CFAP36: variants seen among roughly 807,000 people sequenced by gnomAD.
CFAP36 encodes the protein cilia- and flagella-associated protein 36.
A neutral mutation model predicts 50.5 loss-of-function variants in CFAP36; 37 were observed. The ratio of observed to expected loss-of-function variants is 0.73; its 90% CI spans 0.56 to 0.96. CFAP36 has a LOEUF of 0.96. Among genes scored for constraint, CFAP36 ranks in the 50% least tolerant of loss-of-function variants. The pLI is 0.00. For synonymous variants in CFAP36, 138 were observed against 128.2 expected, an observed-to-expected ratio of 1.08 and a Z score of -0.52; for missense variants, 407 against 396.2, an observed-to-expected ratio of 1.03 and a Z score of -0.23.
intron 7 of CFAP36, among the ~76,000 whole-genome samples, chr2:55,543,583 G>T (rs1684696013): frequency 6.6e-6 from 1 of 152,112 alleles, no homozygotes; most frequent in Non-Finnish European, 1.5e-5. Flanking sequence ...TTGTAGTAAG[G>T]GATTAGTATA....
intron 7 of CFAP36, among the ~76,000 whole-genome samples, chr2:55,541,846 C>CATA (rs145204761): frequency 0.089 from 1,775 of 20,044 alleles, 40 homozygotes; most frequent in African/African-American, 0.32. Context: ...TAGAGTTTTT[C>CATA]GTACTCTTTA....
chr2:55,529,231 C>T (rs759063969), intron 4 of CFAP36, among the ~76,000 whole-genome samples: 7 of 151,942 alleles, frequency 4.6e-5, no homozygotes, highest in Admixed American at 3.9e-4. Flanking sequence ...ACCATCCCAG[C>T]TAACACAGTG....
In CFAP36 at chr2:55,531,289, T is replaced by G. The variant is rs562598489; in HGVS notation, c.397+2297T>G. The G allele has an allele frequency of 2.6e-5, 4 of 152,290 alleles. No individual in the cohort carries two copies. The East Asian group carries it at 7.7e-4, about 29-fold the overall frequency. 9.4% of individuals were successfully genotyped at this position (152,290 alleles called of 1,614,324 possible). A position where few individuals can be genotyped will look rare whatever the true frequency, so the allele number is the denominator to read the frequency against. ...TTTAGTAAGTATGTTAGTAAACAAA[T>G]TTTTTTAGGGGATCAGGAAAAGAAA... On this transcript the variant is annotated intron_variant, in intron 4 of 9. Coordinates refer to ENST00000349456, the MANE Select transcript of CFAP36 (RefSeq NM_080667.7).
At chr2:55,541,612 T>C (rs1684641128) in intron 7 of CFAP36, among the ~76,000 whole-genome samples, 1 of 152,244 alleles carries the variant, frequency 6.6e-6, no homozygotes, top group Non-Finnish European at 1.5e-5. Flanking sequence ...TCAATTGTTT[T>C]GCATTTTCTA....
At chr2:55,533,706 AAAATATATATAT>A (rs1451240336) in intron 4 of CFAP36, among the ~76,000 whole-genome samples, 155 bp from the exon 5 acceptor site, 1 of 140,222 alleles carries the variant, frequency 7.1e-6, no homozygotes, top group African/African-American at 2.6e-5. Flanking sequence ...AAAAAAAAAA[AAAATATATATAT>A]ATATAAAATA....
At chr2:55,542,267 A>G (rs901591996) in intron 7 of CFAP36, among the ~76,000 whole-genome samples, 6 of 152,240 alleles carry the variant, frequency 3.9e-5, no homozygotes, top group African/African-American at 1.4e-4. Context: ...AGTTGTACAC[A>G]TTAATGGTAC....
intron 7 of CFAP36, among the ~76,000 whole-genome samples, chr2:55,541,419 C>A (rs1404414703): frequency 6.6e-6 from 1 of 152,110 alleles, no homozygotes; most frequent in African/African-American, 2.4e-5. Flanking sequence ...TCATATAGAT[C>A]TTGTGCATAT....
Position 55,528,861 on chromosome 2 carries a change from G to C in CFAP36, c.283-17G>C, listed in dbSNP as rs1684278398. On this transcript the variant is annotated splice_polypyrimidine_tract_variant and intron_variant, in intron 3 of 9. Transcript: ENST00000349456. ...TAAAACTTGAATCTTCATTTCACTT[G>C]AGACTTCTTTCCACAGGCCATTTTG... is the stretch of plus-strand genomic sequence containing the variant. The C allele has an allele frequency of 1.3e-6, 2 of 1,503,138 alleles. No homozygotes were observed. Among genetic ancestry groups the C allele is most frequent in the Non-Finnish European group, 1.8e-6 (2 of 1,093,972 alleles). The allele number at this position is 1,503,138 out of a possible 1,614,324, so 93.1% of individuals were successfully genotyped here. A position where few individuals can be genotyped will look rare whatever the true frequency, so the allele number is the denominator to read the frequency against.
chr2:55,544,913 A>G lies in CFAP36; in HGVS notation c.934A>G (p.Thr312Ala). The G allele has an allele frequency of 6.3e-7, 1 of 1,588,816 alleles. No individual in the cohort carries two copies. The change falls in exon 10 of 10, where the codon ACA becomes GCA. Residue 312 changes from threonine to alanine, a missense_variant. Thr to Ala is a moderately conservative substitution (Grantham distance 58, BLOSUM62 0). Coordinates refer to ENST00000349456, the MANE Select transcript of CFAP36 (RefSeq NM_080667.7). ...TTTTTTCTTTTTTTTTCAGGAAATG[A>G]CAGAGAAACCAGAAATGACAGCAGA... ...GKPTGEVEEM[T>A]EKPEMTAEEK...
At chr2:55,525,313 G>A (rs897046823) in intron 3 of CFAP36, among the ~76,000 whole-genome samples, 2 of 152,122 alleles carry the variant, frequency 1.3e-5, no homozygotes, top group Non-Finnish European at 2.9e-5. Context: ...TTAGCTTGTT[G>A]TAGGTTGTGG....
At position 55,544,864 on chromosome 2, in the gene CFAP36, T is replaced by G. The variant is rs757690991; in HGVS notation, c.928-43T>G. 8 of 1,307,974 alleles carry G rather than the reference T, an allele frequency of 6.1e-6. No homozygotes were observed. The African/African-American group carries it at 9.0e-5, about 15-fold the overall frequency. 81.0% of individuals were successfully genotyped at this position (1,307,974 alleles called of 1,614,324 possible). ...AGTATGTTGGGAATTTTAGACAAAT[T>G]ACCCTATTTCATACTGTAGCCAATT... is the stretch of plus-strand genomic sequence containing the variant. On this transcript the variant is annotated intron_variant, in intron 9 of 9. Transcript: ENST00000349456.
intron 5 of CFAP36, 114 bp from the exon 6 acceptor site, chr2:55,535,598 T>C: frequency 1.3e-6 from 1 of 757,090 alleles, no homozygotes; most frequent in East Asian, 3.0e-5. Flanking sequence ...CTTCCATCTT[T>C]GTGTCTAATG....
Position 55,532,999 on chromosome 2 carries a change from G to A in CFAP36, c.398-874G>A, listed in dbSNP as rs979753336. ...TTATTAGACCAACATCTGAATAGAA[G>A]CTTCAAGGGCAGAGATCGTTTTATT... On this transcript the variant is annotated intron_variant, in intron 4 of 9. Coordinates refer to ENST00000349456, the MANE Select transcript of CFAP36 (RefSeq NM_080667.7). 8.5e-5 allele frequency among the ~76,000 whole-genome samples: 13 copies of A among 152,172 alleles called. 1 individual carries two copies. The highest frequency in any genetic ancestry group is 7.2e-4 in the Admixed American group (11 of 15,284).
At chr2:55,524,422 A>ATT (rs57908457) in intron 3 of CFAP36, among the ~76,000 whole-genome samples, 806 of 99,168 alleles carry the variant, frequency 8.1e-3, no homozygotes, top group African/African-American at 0.019. Context: ...CACATGGCTA[A>ATT]TTTTTTTTTT....
intron 1 of CFAP36, 128 bp downstream of exon 1, chr2:55,520,044 C>A: frequency 3.8e-6 from 3 of 799,212 alleles, no homozygotes; most frequent in Non-Finnish European, 6.1e-6. Context: ...CGCAAGGTCT[C>A]GTTCCCCTCA....
Position 55,526,464 on chromosome 2 carries a change from CAG to C in CFAP36, c.283-2411_283-2410del, listed in dbSNP as rs902968743. Among the ~76,000 whole-genome samples, 55 of 152,234 alleles carry C rather than the reference CAG, an allele frequency of 3.6e-4. 1 individual carries two copies. The highest frequency in any genetic ancestry group is 1.1e-3 in the African/African-American group (47 of 41,548). ...TGTTTGTTTGTTTTTGTTTTTGAGA[CAG>C]AGTCTTTCTCTGCCACCCTGGCTGG... On this transcript the variant is annotated intron_variant, in intron 3 of 9. Transcript: ENST00000349456.
At chr2:55,532,837 A>G (rs527911583) in intron 4 of CFAP36, among the ~76,000 whole-genome samples, 19 of 152,398 alleles carry the variant, frequency 1.2e-4, no homozygotes, top group Non-Finnish European at 2.4e-4. Flanking sequence ...GAATGTAATA[A>G]TTACAGATGC....
At chr2:55,522,249 AC>A in intron 2 of CFAP36, 83 bp downstream of exon 2, 2 of 732,082 alleles carry the variant, frequency 2.7e-6, no homozygotes, top group Non-Finnish European at 2.2e-6. Flanking sequence ...AAATATTTTT[AC>A]ATTAAAAATC....
intron 4 of CFAP36, 21 bp from the exon 5 acceptor site, chr2:55,533,852 G>T: frequency 6.7e-7 from 1 of 1,493,168 alleles, no homozygotes; most frequent in Non-Finnish European, 9.2e-7. Flanking sequence ...ACTATTTCAT[G>T]TGGTCTTTGG....
Sources: gnomAD v4.1 joint callset for allele counts (sites outside exome capture counted in the v4.1 genomes callset) on GRCh38, gnomAD v4.1.1 for gene constraint, MANE v1.5 for transcripts, NCBI Gene and HGNC (gene_info 2026-07-23, HGNC 2026-07-21) for gene names.